MYCBP2: variants seen among roughly 807,000 people sequenced by gnomAD.
The protein encoded by MYCBP2 is E3 ubiquitin-protein ligase MYCBP2.
A neutral mutation model predicts 525.3 loss-of-function variants in MYCBP2; 120 were observed. That is an observed-to-expected ratio of 0.23 (90% CI 0.20 to 0.27). The LOEUF (loss-of-function observed/expected upper bound fraction) is 0.27, where lower values mean the gene tolerates loss of function less well. Ranked by LOEUF, MYCBP2 falls within the 10% of genes least tolerant of loss-of-function variation. The pLI, the probability that MYCBP2 is intolerant of heterozygous loss-of-function variation, is 1.00. For missense variants in MYCBP2, 4,149 were observed against 5,657.1 expected, an observed-to-expected ratio of 0.73 and a Z score of 8.55; for synonymous variants, 1,894 against 1,955.8, an observed-to-expected ratio of 0.97 and a Z score of 0.83.
chr13:77,107,975 T>C (rs191469291), intron 55 of MYCBP2, among the ~76,000 whole-genome samples: 35 of 152,238 alleles, frequency 2.3e-4, no homozygotes, highest in Admixed American at 1.9e-3. Context: ...TAAATGTTGG[T>C]ATACTAAAAG....
At chr13:77,255,223 T>C (rs1157654151) in intron 14 of MYCBP2, among the ~76,000 whole-genome samples, 1 of 151,988 alleles carries the variant, frequency 6.6e-6, no homozygotes, top group African/African-American at 2.4e-5. Flanking sequence ...TAATTTACAT[T>C]TCCACTAGCC....
intron 17 of MYCBP2, among the ~76,000 whole-genome samples, chr13:77,240,697 G>A (rs1159675565): frequency 6.6e-6 from 1 of 152,080 alleles, no homozygotes; most frequent in Non-Finnish European, 1.5e-5. Flanking sequence ...CAGAAATACG[G>A]GAACTCTGTC....
intron 61 of MYCBP2, among the ~76,000 whole-genome samples, chr13:77,088,571 A>T (rs778255745): frequency 3.3e-5 from 5 of 151,922 alleles, no homozygotes; most frequent in Non-Finnish European, 5.9e-5. Flanking sequence ...AAAAGCTTTT[A>T]AAAAAAAGAT....
chr13:77,220,345 T>C (rs1306340122), intron 20 of MYCBP2, among the ~76,000 whole-genome samples: 1 of 152,062 alleles, frequency 6.6e-6, no homozygotes, highest in African/African-American at 2.4e-5. Context: ...ATCATCAGAT[T>C]ATGGATATTT....
At chr13:77,096,182 T>C (rs931577693) in intron 57 of MYCBP2, 130 bp downstream of exon 57, 35 of 958,094 alleles carry the variant, frequency 3.7e-5, no homozygotes, top group Non-Finnish European at 4.9e-5. Flanking sequence ...TTGTATATGA[T>C]TTCCATTATA....
chr13:77,226,688 T>TA (rs2066325189), intron 18 of MYCBP2, among the ~76,000 whole-genome samples: 1 of 152,196 alleles, frequency 6.6e-6, no homozygotes, highest in African/African-American at 2.4e-5. Context: ...ATTCTTTTTT[T>TA]ACCTAACCTT....
In MYCBP2 at chr13:77,045,049, G is replaced by A. The variant is rs1228728668; in HGVS notation, c.*329C>T. 3 of 404,128 alleles carry A rather than the reference G, an allele frequency of 7.4e-6. No individual in the cohort carries two copies. Among genetic ancestry groups the A allele is most frequent in the South Asian group, 1.2e-4 (1 of 8,404 alleles). 25.0% of individuals were successfully genotyped at this position (404,128 alleles called of 1,614,324 possible). A position where few individuals can be genotyped will look rare whatever the true frequency, so the allele number is the denominator to read the frequency against. ...TCTTTTTTGCTTGAAAGCCAGCATC[G>A]TTCTTAGTCCATGGGCATGGCGATT... On this transcript the variant is annotated 3_prime_UTR_variant, in exon 83 of 83. Coordinates refer to ENST00000544440, the MANE Select transcript of MYCBP2 (RefSeq NM_015057.5).
chr13:77,267,635 A>G (rs2074294829), intron 8 of MYCBP2, among the ~76,000 whole-genome samples: 1 of 152,312 alleles, frequency 6.6e-6, no homozygotes. Flanking sequence ...GAAAACAAAT[A>G]TTAAAACTTG....
intron 4 of MYCBP2, among the ~76,000 whole-genome samples, chr13:77,277,284 C>T (rs2075733955): frequency 6.6e-6 from 1 of 152,180 alleles, no homozygotes; most frequent in African/African-American, 2.4e-5. Flanking sequence ...CAGTAAAATG[C>T]TGTCAAGCCA....
intron 44 of MYCBP2, among the ~76,000 whole-genome samples, chr13:77,159,848 T>G (rs565707347): frequency 9.2e-4 from 140 of 152,316 alleles, no homozygotes; most frequent in Admixed American, 3.5e-3. Context: ...AGAAACTCTT[T>G]GATAGTTCTC....
In MYCBP2 at chr13:77,180,274, C is replaced by G. The variant is rs780209824; in HGVS notation, c.4986G>C (p.Leu1662=). 3 of 1,614,006 alleles carry G rather than the reference C, an allele frequency of 1.9e-6. No homozygotes were observed. Among genetic ancestry groups the G allele is most frequent in the Admixed American group, 1.7e-5 (1 of 59,996 alleles). Residue 1662 remains leucine (L), a synonymous_variant, in exon 34 of 83, where the codon CTG becomes CTC. Coordinates refer to ENST00000544440, the MANE Select transcript of MYCBP2 (RefSeq NM_015057.5). ...GCACAACAATGACCAGCATTTTCTC[C>G]AGAACTTCACGGAAGCTTGTCATCC... ...ISGMTSFREV[L]EKMLVIVVLP...
At chr13:77,093,694 T>C (rs1566489178) in intron 58 of MYCBP2, among the ~76,000 whole-genome samples, 1 of 152,154 alleles carries the variant, frequency 6.6e-6, no homozygotes, top group African/African-American at 2.4e-5. Flanking sequence ...GCCCATGATA[T>C]TAGGTTTCCT....
intron 1 of MYCBP2, among the ~76,000 whole-genome samples, chr13:77,323,401 C>A (rs939807791): frequency 2.0e-5 from 3 of 152,170 alleles, no homozygotes; most frequent in Non-Finnish European, 4.4e-5. Flanking sequence ...GTTTCTTGAA[C>A]ACAAGCCTGT....
chr13:77,321,759 C>A (rs1400681863), intron 1 of MYCBP2, among the ~76,000 whole-genome samples: 1 of 152,240 alleles, frequency 6.6e-6, no homozygotes, highest in Non-Finnish European at 1.5e-5. Context: ...TTTAACACTT[C>A]TATAAGTATC....
chr13:77,107,620 C>T (rs2048041679), intron 55 of MYCBP2, among the ~76,000 whole-genome samples: 2 of 152,160 alleles, frequency 1.3e-5, no homozygotes, highest in East Asian at 3.9e-4. Flanking sequence ...CGCCTCCAGT[C>T]CTCACTACTC....
chr13:77,065,934 T>C (rs532486925), intron 72 of MYCBP2, 58 bp downstream of exon 72: 2 of 1,242,440 alleles, frequency 1.6e-6, no homozygotes, highest in South Asian at 2.6e-5. Flanking sequence ...CAGAGTAAGC[T>C]GTTTTGTGTC....
At chr13:77,217,371 G>A (rs930764045) in intron 21 of MYCBP2, among the ~76,000 whole-genome samples, 4 of 152,004 alleles carry the variant, frequency 2.6e-5, no homozygotes, top group Non-Finnish European at 5.9e-5. Flanking sequence ...GTGCACAAGC[G>A]CCTATGTAAC....
chr13:77,115,363 T>C (rs1223836318), intron 55 of MYCBP2, among the ~76,000 whole-genome samples: 1 of 151,926 alleles, frequency 6.6e-6, no homozygotes, highest in Non-Finnish European at 1.5e-5. Flanking sequence ...TATAATTAGT[T>C]TTTAAATTAA....
intron 55 of MYCBP2, among the ~76,000 whole-genome samples, chr13:77,104,916 C>T (rs2047622379): frequency 6.6e-6 from 1 of 152,134 alleles, no homozygotes; most frequent in South Asian, 2.1e-4. Context: ...GTACATCCTT[C>T]ATTTTGAACA....
Sources: gnomAD v4.1 joint callset for allele counts (sites outside exome capture counted in the v4.1 genomes callset) on GRCh38, gnomAD v4.1.1 for gene constraint, MANE v1.5 for transcripts, NCBI Gene and HGNC (gene_info 2026-07-23, HGNC 2026-07-21) for gene names.